ZBTB18: variants seen among roughly 807,000 people sequenced by gnomAD.
The protein encoded by ZBTB18 is zinc finger and BTB domain-containing protein 18.
A neutral mutation model predicts 37.7 loss-of-function variants in ZBTB18; 2 were observed. That is an observed-to-expected ratio of 0.05 (90% confidence interval 0.02 to 0.17). The LOEUF is 0.17. ZBTB18 is among the 10% of genes least tolerant of loss of function. The probability of loss-of-function intolerance (pLI) is 1.00; values close to 1 mark genes in which losing one functional copy is unlikely to be tolerated. For missense variants in ZBTB18, 408 were observed against 686.3 expected, an observed-to-expected ratio of 0.59 and a Z score of 4.53; for synonymous variants, 304 against 276.5, an observed-to-expected ratio of 1.10 and a Z score of -0.99.
rs756323931 is a variant in ZBTB18, at chr1:244,054,261, G to A, written c.487G>A (p.Asp163Asn). 1.9e-6 allele frequency: 3 copies of A among 1,614,046 alleles called. No individual in the cohort carries two copies. Among genetic ancestry groups the A allele is most frequent in the African/African-American group, 1.3e-5 (1 of 74,928 alleles). ...CGATGGCAGCAGCCACATAGCAGGC[G>A]ATTTGCCCAGTGATGAAGATGAAGG... Reference protein sequence around the residue: ...LSDGSSHIAGDLPSDEDEGED... With the variant: ...LSDGSSHIAGNLPSDEDEGED... The change falls in exon 2 of 2, where the codon GAT (aspartate) becomes AAT (asparagine). Residue 163 changes from aspartate to asparagine, a missense_variant. Transcript: ENST00000358704. This position sits in a 1 kb window ranked among gnomAD's most constrained non-coding sequence, Gnocchi z 9.0.
At position 244,053,698 on chromosome 1, in the gene ZBTB18, C is replaced by T; in HGVS notation, c.14-90C>T. ...AATTCAGGGACATGTACCACGGCGG[C>T]CAAAGCGGAATTAATTTTTTTATAT... On this transcript the variant is annotated intron_variant, in intron 1 of 1. Coordinates refer to ENST00000358704, the MANE Select transcript of ZBTB18 (RefSeq NM_205768.3). This position sits in a 1 kb window ranked among gnomAD's most constrained non-coding sequence, Gnocchi z 5.2. 4.0e-6 allele frequency: 6 copies of T among 1,516,628 alleles called. No homozygotes were observed. The highest frequency in any genetic ancestry group is 5.3e-6 in the Non-Finnish European group (6 of 1,134,530). 93.9% of individuals were successfully genotyped at this position (1,516,628 alleles called of 1,614,324 possible).
At chr1:244,052,817 C>G (rs1419802302) in intron 1 of ZBTB18, among the ~76,000 whole-genome samples, 1 of 151,234 alleles carries the variant, frequency 6.6e-6, no homozygotes, top group Non-Finnish European at 1.5e-5. Flanking sequence ...TCTAAAAAGG[C>G]TTAAAAAAAA....
upstream of ZBTB18, among the ~76,000 whole-genome samples, chr1:244,048,633 C>CCCCCCCCG (rs1698282101): frequency 2.1e-5 from 3 of 143,168 alleles, no homozygotes. Context: ...CGCCCGCCCC[C>CCCCCCCCG]CCCCCGCCCC....
upstream of ZBTB18, among the ~76,000 whole-genome samples, chr1:244,050,711 A>G (rs2148553394): frequency 6.6e-6 from 1 of 152,302 alleles, no homozygotes; most frequent in East Asian, 1.9e-4. Context: ...TAGATAAGTA[A>G]TTACATAAGA....
Position 244,055,010 on chromosome 1 carries a change from C to G in ZBTB18, c.1236C>G (p.Pro412=). Reference sequence around the variant, plus strand: ...AGCAGGACGGCATCCGCAGCAAGCCCGCCGCCGATGTCAACGTGCCCACGT... The same window carrying G: ...AGCAGGACGGCATCCGCAGCAAGCCGGCCGCCGATGTCAACGTGCCCACGT... ...FREQDGIRSK[P]AADVNVPTCS... Residue 412 remains proline, a synonymous_variant, in exon 2 of 2, where the codon CCC becomes CCG. Transcript: ENST00000358704. This position sits in a 1 kb window ranked among gnomAD's most constrained non-coding sequence, Gnocchi z 7.0. 6.2e-7 allele frequency: 1 copy of G among 1,614,160 alleles called. No homozygotes were observed.
upstream of ZBTB18, among the ~76,000 whole-genome samples, chr1:244,050,633 G>T (rs564218653): frequency 2.6e-5 from 4 of 152,166 alleles, no homozygotes; most frequent in Admixed American, 1.3e-4. Flanking sequence ...GTTTCAGCTT[G>T]TTGGTACCGA....
At chr1:244,051,566 A>AT in intron 1 of ZBTB18, 122 bp downstream of exon 1, 1 of 1,182,066 alleles carries the variant, frequency 8.5e-7, no homozygotes, top group Non-Finnish European at 1.2e-6. Context: ...TGAGTATTAA[A>AT]TGAACATCTT....
Position 244,051,403 on chromosome 1 carries a change from G to T in ZBTB18, c.-29G>T, listed in dbSNP as rs773024610. 6.2e-7 allele frequency: 1 copy of T among 1,613,828 alleles called. No individual in the cohort carries two copies. Among genetic ancestry groups the T allele is most frequent in the Non-Finnish European group, 8.5e-7 (1 of 1,179,920 alleles). On this transcript the variant is annotated 5_prime_UTR_variant, in exon 1 of 2. Coordinates refer to ENST00000358704, the MANE Select transcript of ZBTB18 (RefSeq NM_205768.3). ...GATGTAACAGACCTGGAGCCAGCAG[G>T]ACTCAGAGGAAAGGACTTAATCAGG...
upstream of ZBTB18, chr1:244,048,925 GGGAGGA>G (rs564376369): frequency 1.1e-4 from 18 of 161,364 alleles, no homozygotes; most frequent in East Asian, 1.9e-4. Context: ...GGCGGCGGCC[GGGAGGA>G]GGAGGAGGAG....
chr1:244,049,153 G>A (rs2148551497), upstream of ZBTB18, among the ~76,000 whole-genome samples: 1 of 144,454 alleles, frequency 6.9e-6, no homozygotes, highest in East Asian at 2.0e-4. Flanking sequence ...GAGTTAGTTT[G>A]TGTGGTTGGA....
rs748735173 is a variant in ZBTB18, at chr1:244,054,591, G to A, written c.817G>A (p.Val273Met). 9.3e-6 allele frequency: 15 copies of A among 1,614,110 alleles called. No homozygotes were observed. Among genetic ancestry groups the A allele is most frequent in the African/African-American group, 6.7e-5 (5 of 74,944 alleles). The change falls in exon 2 of 2, where the codon GTG (valine) becomes ATG (methionine). Residue 273 changes from valine (V) to methionine (M), a missense_variant. Val to Met is a conservative substitution (Grantham distance 21). Coordinates refer to ENST00000358704, the MANE Select transcript of ZBTB18 (RefSeq NM_205768.3). The surrounding 1 kb of genome is among the most constrained non-coding windows in gnomAD (Gnocchi z 9.0). ...CAGCTCTTATTTCTCTTCACAGGACGTGCTGAGAAGCAACCTGGTGCAGGT... is the reference window on the plus strand; with the variant it reads ...CAGCTCTTATTTCTCTTCACAGGACATGCTGAGAAGCAACCTGGTGCAGGT... ...LNSSYFSSQDVLRSNLVQVKV... is the reference protein window; with the variant it reads ...LNSSYFSSQDMLRSNLVQVKV...
chr1:244,053,694 G>A lies in ZBTB18; in HGVS notation c.14-94G>A, dbSNP rs1698396588. 1 of 1,510,894 alleles carries A rather than the reference G, an allele frequency of 6.6e-7. No homozygotes were observed. Among genetic ancestry groups the A allele is most frequent in the Non-Finnish European group, 8.8e-7 (1 of 1,130,956 alleles). 93.6% of individuals were successfully genotyped at this position (1,510,894 alleles called of 1,614,324 possible). On this transcript the variant is annotated intron_variant, in intron 1 of 1. Transcript: ENST00000358704. The surrounding 1 kb of genome is among the most constrained non-coding windows in gnomAD (Gnocchi z 5.2). ...TTAAAATTCAGGGACATGTACCACG[G>A]CGGCCAAAGCGGAATTAATTTTTTT...
At position 244,054,222 on chromosome 1, in the gene ZBTB18, G is replaced by A; in HGVS notation, c.448G>A (p.Val150Ile). Residue 150 changes from valine to isoleucine, a missense_variant, in exon 2 of 2, where the codon GTC (valine) becomes ATC (isoleucine). Physicochemically the swap from Val to Ile is conservative, Grantham distance 29 (BLOSUM62 3). Around this residue, in one of 4 missense-constraint regions of ZBTB18, gnomAD observed 95 missense variants for 218.7 expected, o/e 0.43. Coordinates refer to ENST00000358704, the MANE Select transcript of ZBTB18 (RefSeq NM_205768.3). The surrounding 1 kb of genome is among the most constrained non-coding windows in gnomAD (Gnocchi z 9.0). ...AGATGCTTCAAGTTGTTCGGACAAA[G>A]TCGAGAGTCTCTCCGATGGCAGCAG... The part of the protein sequence containing the change: ...EEDASSCSDK[V>I]ESLSDGSSHI... The A allele has an allele frequency of 6.2e-7, 1 of 1,614,142 alleles. No homozygotes were observed. Among genetic ancestry groups the A allele is most frequent in the Non-Finnish European group, 8.5e-7 (1 of 1,180,030 alleles).
rs1698483816 is a variant in ZBTB18, at chr1:244,056,820, A to C, written c.*1450A>C. On this transcript the variant is annotated 3_prime_UTR_variant, in exon 2 of 2. Coordinates refer to ENST00000358704, the MANE Select transcript of ZBTB18 (RefSeq NM_205768.3). ...GGCTGCAGCCTAACGTGTGGTTTTA[A>C]TGACCAGCACGCAAGGCAAAAGCAT... 1 of 167,078 alleles carries C rather than the reference A, an allele frequency of 6.0e-6. No homozygotes were observed. Among genetic ancestry groups the C allele is most frequent in the Admixed American group, 6.5e-5 (1 of 15,280 alleles). 10.3% of individuals were successfully genotyped at this position (167,078 alleles called of 1,614,324 possible).
At chr1:244,049,684 T>G (rs1698310613), upstream of ZBTB18, among the ~76,000 whole-genome samples, 2 of 152,192 alleles carry the variant, frequency 1.3e-5, no homozygotes, top group African/African-American at 4.8e-5. Context: ...TTCCCTGTGG[T>G]TTTAACCTTC....
chr1:244,050,042 A>G (rs1296435377), upstream of ZBTB18, among the ~76,000 whole-genome samples: 1 of 152,232 alleles, frequency 6.6e-6, no homozygotes, highest in Admixed American at 6.5e-5. Context: ...AGTGTTCATA[A>G]TTATGTCACT....
Position 244,056,932 on chromosome 1 carries a change from T to C in ZBTB18, c.*1562T>C, listed in dbSNP as rs1462567541. ...AAAACGTTTGCTGTTTTTCCCTTTT[T>C]TTTTTAATTGCTTTTGTTTAAAATT... On this transcript the variant is annotated 3_prime_UTR_variant, in exon 2 of 2. Coordinates refer to ENST00000358704, the MANE Select transcript of ZBTB18 (RefSeq NM_205768.3). The C allele has an allele frequency of 6.0e-6, 1 of 167,106 alleles. No individual in the cohort carries two copies. Among genetic ancestry groups the C allele is most frequent in the Non-Finnish European group, 1.5e-5 (1 of 68,124 alleles). 10.4% of individuals were successfully genotyped at this position (167,106 alleles called of 1,614,324 possible).
chr1:244,052,970 C>A (rs1212335706), intron 1 of ZBTB18, among the ~76,000 whole-genome samples: 1 of 152,216 alleles, frequency 6.6e-6, no homozygotes, highest in Non-Finnish European at 1.5e-5. Context: ...TTCAGTAAAG[C>A]CCCTCTGGTT....
chr1:244,049,342 G>C (rs1428273702), upstream of ZBTB18, among the ~76,000 whole-genome samples: 1 of 148,468 alleles, frequency 6.7e-6, no homozygotes, highest in Non-Finnish European at 1.5e-5. Context: ...GGCGCCTCTC[G>C]GGTGCGGAGG....
Sources: gnomAD v4.1 joint callset for allele counts (sites outside exome capture counted in the v4.1 genomes callset) on GRCh38, gnomAD v4.1.1 for gene constraint, gnomAD v4.1.1 regional missense constraint, Gnocchi (gnomAD v3.1) non-coding constraint, MANE v1.5 for transcripts, NCBI Gene and HGNC (gene_info 2026-07-23, HGNC 2026-07-21) for gene names.